The following CCDC178 variants were observed in gnomAD, a reference collection of about 807,000 sequenced individuals.
CCDC178 encodes coiled-coil domain containing 178, also known as coiled-coil domain-containing protein 178.
In CCDC178, 126 loss-of-function variants were observed where a neutral mutation model predicts 117.4. The observed-to-expected ratio is 1.07, with a 90% CI of 0.93 to 1.24. The LOEUF is 1.24. Ranked by LOEUF, CCDC178 falls within the 50% of genes most tolerant of loss-of-function variation. The pLI, the probability that CCDC178 is intolerant of heterozygous loss-of-function variation, is 0.00. For synonymous variants in CCDC178, 283 were observed against 313.4 expected, an observed-to-expected ratio of 0.90 and a Z score of 1.02; for missense variants, 1,030 against 986.9, an observed-to-expected ratio of 1.04 and a Z score of -0.59.
intron 20 of CCDC178, among the ~76,000 whole-genome samples, chr18:33,103,627 A>G (rs562040621): frequency 3.3e-5 from 5 of 151,726 alleles, no homozygotes; most frequent in African/African-American, 9.7e-5. Context: ...AGTACTCTCA[A>G]AATGGACTCA....
chr18:33,216,314 T>C (rs1404725751), intron 18 of CCDC178, among the ~76,000 whole-genome samples: 1 of 152,046 alleles, frequency 6.6e-6, no homozygotes, highest in Non-Finnish European at 1.5e-5. Context: ...GATATATATA[T>C]TGTTCTGATA....
intron 22 of CCDC178, among the ~76,000 whole-genome samples, chr18:32,956,431 G>A (rs990474992): frequency 1.3e-5 from 2 of 152,082 alleles, no homozygotes; most frequent in African/African-American, 2.4e-5. Flanking sequence ...ATTGTGACAT[G>A]TTTTCCACAA....
chr18:33,053,626 G>C (rs980401524), intron 21 of CCDC178, among the ~76,000 whole-genome samples: 3 of 152,086 alleles, frequency 2.0e-5, no homozygotes, highest in African/African-American at 7.2e-5. Flanking sequence ...GATGTCAATA[G>C]AGATAAAAAT....
intron 21 of CCDC178, among the ~76,000 whole-genome samples, chr18:33,065,587 C>A (rs1352292597): frequency 1.3e-5 from 2 of 152,158 alleles, no homozygotes; most frequent in Admixed American, 1.3e-4. Flanking sequence ...GGAAGTTCAA[C>A]AATTCCAATA....
At chr18:33,189,380 T>C (rs2058831250) in intron 20 of CCDC178, among the ~76,000 whole-genome samples, 1 of 152,214 alleles carries the variant, frequency 6.6e-6, no homozygotes, top group Admixed American at 6.5e-5. Flanking sequence ...ATTATGGCTA[T>C]TTCTTCTTTG....
intron 21 of CCDC178, among the ~76,000 whole-genome samples, chr18:33,030,577 A>AGATAGATAGATAGAGG (rs2056321314): frequency 6.6e-6 from 1 of 151,952 alleles, no homozygotes; most frequent in African/African-American, 2.4e-5. Flanking sequence ...AGAGGTAGAT[A>AGATAGATAGATAGAGG]TAGATATGAG....
At chr18:32,949,670 T>G (rs2054436432) in intron 22 of CCDC178, among the ~76,000 whole-genome samples, 1 of 152,202 alleles carries the variant, frequency 6.6e-6, no homozygotes, top group Non-Finnish European at 1.5e-5. Context: ...TGTTTGCTAA[T>G]TTTAACTTCT....
intron 11 of CCDC178, among the ~76,000 whole-genome samples, chr18:33,317,956 C>T (rs2062443146): frequency 6.6e-6 from 1 of 152,068 alleles, no homozygotes; most frequent in South Asian, 2.1e-4. Flanking sequence ...GGAATGAGCA[C>T]CCAGCAGCAC....
intron 21 of CCDC178, among the ~76,000 whole-genome samples, chr18:33,091,459 C>G (rs973824242): frequency 1.3e-5 from 2 of 148,900 alleles, no homozygotes; most frequent in African/African-American, 4.9e-5. Context: ...GCCTCAGCCT[C>G]CTGAGTAACT....
chr18:33,160,216 T>C (rs1417049375), intron 20 of CCDC178, among the ~76,000 whole-genome samples: 3 of 152,124 alleles, frequency 2.0e-5, no homozygotes, highest in Non-Finnish European at 4.4e-5. Context: ...ATATAACTTA[T>C]ATGAAATTAA....
At chr18:33,065,303 C>T (rs968397955) in intron 21 of CCDC178, among the ~76,000 whole-genome samples, 7 of 152,142 alleles carry the variant, frequency 4.6e-5, no homozygotes, top group Non-Finnish European at 1.0e-4. Context: ...ATTAAATATC[C>T]TGATTTTATC....
intron 5 of CCDC178, among the ~76,000 whole-genome samples, chr18:33,372,822 TA>T (rs1452691172): frequency 2.0e-5 from 3 of 152,284 alleles, no homozygotes; most frequent in Admixed American, 2.0e-4. Context: ...CCAGCTCCAA[TA>T]ATTCAACATT....
intron 20 of CCDC178, among the ~76,000 whole-genome samples, chr18:33,098,660 C>A (rs565093155): frequency 6.6e-6 from 1 of 152,104 alleles, no homozygotes; most frequent in African/African-American, 2.4e-5. Flanking sequence ...CCCACCAGAA[C>A]CATCAGAAAA....
intron 21 of CCDC178, among the ~76,000 whole-genome samples, chr18:33,086,541 T>C (rs1259661418): frequency 6.6e-6 from 1 of 151,868 alleles, no homozygotes; most frequent in Non-Finnish European, 1.5e-5. Flanking sequence ...TAAATAGTTT[T>C]CCTGAGAAGA....
chr18:33,316,423 G>A (rs949856207), intron 11 of CCDC178, among the ~76,000 whole-genome samples: 1 of 152,066 alleles, frequency 6.6e-6, no homozygotes. Flanking sequence ...GTGAGGCAGC[G>A]CTCCGGACCT....
intron 11 of CCDC178, among the ~76,000 whole-genome samples, chr18:33,293,958 G>A (rs994923553): frequency 3.3e-5 from 5 of 151,710 alleles, no homozygotes; most frequent in Admixed American, 6.6e-5. Flanking sequence ...GGGATGGAAA[G>A]GTAAGGAAAA....
At chr18:33,352,412 C>T (rs1276482860) in intron 7 of CCDC178, among the ~76,000 whole-genome samples, 2 of 151,910 alleles carry the variant, frequency 1.3e-5, no homozygotes, top group Non-Finnish European at 2.9e-5. Flanking sequence ...GTTTTTCTAG[C>T]CTCTATTTCA....
intron 11 of CCDC178, among the ~76,000 whole-genome samples, chr18:33,293,773 A>C (rs2062068939): frequency 6.6e-6 from 1 of 152,228 alleles, no homozygotes; most frequent in African/African-American, 2.4e-5. Context: ...TTTCTAAAAA[A>C]ATACTACTTA....
intron 21 of CCDC178, among the ~76,000 whole-genome samples, chr18:33,031,523 A>C (rs887744347): frequency 1.3e-5 from 2 of 152,124 alleles, no homozygotes; most frequent in African/African-American, 4.8e-5. Context: ...TGTTTTATAT[A>C]ATTTTATGTC....
Sources: allele counts gnomAD v4.1 joint callset (sites outside exome capture counted in the v4.1 genomes callset), GRCh38; gene constraint gnomAD v4.1.1; transcripts MANE v1.5; gene names NCBI Gene and HGNC (gene_info 2026-07-23, HGNC 2026-07-21).